KCNK12: variants seen among roughly 807,000 people sequenced by gnomAD.
KCNK12 encodes potassium channel subfamily K member 12.
Under a neutral mutation model 25.3 loss-of-function variants are expected in KCNK12, and 6 were observed. The ratio of observed to expected loss-of-function variants is 0.24; its 90% confidence interval spans 0.13 to 0.47. The LOEUF (loss-of-function observed/expected upper bound fraction) is 0.47. KCNK12 is among the 20% of genes least tolerant of loss of function. The pLI is 0.99. For missense variants in KCNK12, 444 were observed against 661.7 expected, an observed-to-expected ratio of 0.67 and a Z score of 3.61; for synonymous variants, 331 against 311.1, an observed-to-expected ratio of 1.06 and a Z score of -0.67.
intron 1 of KCNK12, among the ~76,000 whole-genome samples, chr2:47,537,855 A>G (rs1669109699): frequency 1.3e-5 from 2 of 152,188 alleles, no homozygotes; most frequent in Admixed American, 1.3e-4. Flanking sequence ...CCGGGAAGCA[A>G]GAGAAGCGGT....
In KCNK12 at chr2:47,520,995, A is replaced by T. The variant is rs1486068512; in HGVS notation, c.1205T>A (p.Val402Asp). The change falls in exon 2 of 2, where the codon GTC becomes GAC. Residue 402 changes from valine (V) to aspartate (D), a missense_variant. Physicochemically the swap from Val to Asp is radical, Grantham distance 152 (BLOSUM62 -3). Transcript: ENST00000327876. The surrounding 1 kb of genome is among the most constrained non-coding windows in gnomAD (Gnocchi z 5.0). ...TANGYPRSVC[V>D]NTRQNGFSGG... ...CGAGAAGCCGTTCTGGCGCGTGTTG[A>T]CGCACACGCTGCGCGGGTAGCCGTT... The T allele has an allele frequency of 9.5e-6, 13 of 1,361,598 alleles. No homozygotes were observed. The Admixed American group carries it at 3.8e-4, about 40-fold the overall frequency. 84.3% of individuals were successfully genotyped at this position (1,361,598 alleles called of 1,614,324 possible). A position where few individuals can be genotyped will look rare whatever the true frequency, so the allele number is the denominator to read the frequency against.
At position 47,547,701 on chromosome 2, in the gene KCNK12, G is replaced by A. The variant is rs955976225; in HGVS notation, c.391+22240C>T. ...CAACCTCTGCCTCCCTGTTTCAAGC[G>A]AGTCTCCTGCCTCAGCCTCCCAAAT... is the stretch of plus-strand genomic sequence containing the variant. On this transcript the variant is annotated intron_variant, in intron 1 of 1. Coordinates refer to ENST00000327876, the MANE Select transcript of KCNK12 (RefSeq NM_022055.2). This position sits in a 1 kb window ranked among gnomAD's most constrained non-coding sequence, Gnocchi z 5.0. Among the ~76,000 whole-genome samples the A allele has an allele frequency of 1.3e-5, 2 of 152,116 alleles. No homozygotes were observed. Among genetic ancestry groups the A allele is most frequent in the Non-Finnish European group, 2.9e-5 (2 of 68,020 alleles).
At chr2:47,561,412 AG>A (rs1669667093) in intron 1 of KCNK12, among the ~76,000 whole-genome samples, 1 of 152,232 alleles carries the variant, frequency 6.6e-6, no homozygotes. Flanking sequence ...GTACCCTTCC[AG>A]GCTGGTTATG....
chr2:47,523,675 G>A (rs1368698411), intron 1 of KCNK12, among the ~76,000 whole-genome samples: 1 of 152,126 alleles, frequency 6.6e-6, no homozygotes, highest in African/African-American at 2.4e-5. Flanking sequence ...TGGGACCCGT[G>A]GTTGCCTGAC....
In KCNK12 at chr2:47,570,120, C is replaced by T; in HGVS notation, c.212G>A (p.Arg71His). 7.0e-7 allele frequency: 1 copy of T among 1,422,558 alleles called. No homozygotes were observed. The highest frequency in any genetic ancestry group is 1.4e-5 in the South Asian group (1 of 70,258). The allele number at this position is 1,422,558 out of a possible 1,614,324, so 88.1% of individuals were successfully genotyped here. A position where few individuals can be genotyped will look rare whatever the true frequency, so the allele number is the denominator to read the frequency against. The change falls in exon 1 of 2, where the codon CGC becomes CAC. Residue 71 changes from arginine (R) to histidine (H), a missense_variant. Around this residue, in one of 8 missense-constraint regions of KCNK12, gnomAD observed 106 missense variants for 142.2 expected, o/e 0.75. Transcript: ENST00000327876. Reference protein sequence around the residue: ...ESPGEAEARARWGATLRNFSA... With the variant: ...ESPGEAEARAHWGATLRNFSA... ...GAAGTTGCGCAGCGTGGCGCCCCAGCGCGCCCGCGCCTCCGCCTCGCCGGG... is the reference window on the plus strand; with the variant it reads ...GAAGTTGCGCAGCGTGGCGCCCCAGTGCGCCCGCGCCTCCGCCTCGCCGGG...
chr2:47,518,114 G>A lies in KCNK12; in HGVS notation c.*2793C>T, dbSNP rs943217853. The A allele has an allele frequency of 2.6e-5, 4 of 152,216 alleles. No homozygotes were observed. The highest frequency in any genetic ancestry group is 9.6e-5 in the African/African-American group (4 of 41,452). 9.4% of individuals were successfully genotyped at this position (152,216 alleles called of 1,614,324 possible). On this transcript the variant is annotated 3_prime_UTR_variant, in exon 2 of 2. Coordinates refer to ENST00000327876, the MANE Select transcript of KCNK12 (RefSeq NM_022055.2). The surrounding 1 kb of genome is among the most constrained non-coding windows in gnomAD (Gnocchi z 4.1). ...CATCCCTATCAATGTCACTGTTCCT[G>A]AAATGATGGGAGAACCACATCCCTG...
At chr2:47,545,900 A>G (rs1031999235) in intron 1 of KCNK12, among the ~76,000 whole-genome samples, 2 of 151,674 alleles carry the variant, frequency 1.3e-5, no homozygotes, top group African/African-American at 4.9e-5. Flanking sequence ...CCGAGACTGA[A>G]TTGCACTTAA....
rs1313096602 is a variant in KCNK12 at position 47,560,477 on chromosome 2, CA to C, written c.391+9463del. 6.6e-6 allele frequency among the ~76,000 whole-genome samples: 1 copy of C among 152,176 alleles called. No homozygotes were observed. Among genetic ancestry groups the C allele is most frequent in the East Asian group, 1.9e-4 (1 of 5,180 alleles). On this transcript the variant is annotated intron_variant, in intron 1 of 1. Transcript: ENST00000327876. The surrounding 1 kb of genome is among the most constrained non-coding windows in gnomAD (Gnocchi z 4.7). ...TCCTCATCCTCCTCCTCCACCCACA[CA>C]ACCCTGCAGACCCCAGGCTGGGCTA...
intron 1 of KCNK12, chr2:47,563,084 G>T: frequency 4.3e-6 from 1 of 233,356 alleles, no homozygotes. Context: ...AGCCAAACAA[G>T]GCATGGGAGT....
chr2:47,526,950 C>T (rs12621761), intron 1 of KCNK12, among the ~76,000 whole-genome samples: 7,031 of 152,252 alleles, frequency 0.046, 224 homozygotes, highest in Middle Eastern at 0.11. Flanking sequence ...GCCCTGCCTG[C>T]ATCATCGCAT....
At position 47,515,357 on chromosome 2, in the gene KCNK12, A is replaced by T. The variant is rs1668501028; in HGVS notation, c.*5550T>A. Among the ~76,000 whole-genome samples, 1 of 152,198 alleles carries T rather than the reference A, an allele frequency of 6.6e-6. No homozygotes were observed. Among genetic ancestry groups the T allele is most frequent in the Non-Finnish European group, 1.5e-5 (1 of 68,040 alleles). On this transcript the variant is annotated 3_prime_UTR_variant, in exon 2 of 2. Coordinates refer to ENST00000327876, the MANE Select transcript of KCNK12 (RefSeq NM_022055.2). The stretch of plus-strand genomic sequence containing the variant: ...ACCTATTTATGCCTAGCGTTCCCTT[A>T]TTGGAACACTAAGTCTGTGAGAGTT...
Position 47,521,075 on chromosome 2 carries a change from C to A in KCNK12, c.1125G>T (p.Thr375=). The change falls in exon 2 of 2, where the codon ACG becomes ACT. Residue 375 remains threonine, a synonymous_variant. Coordinates refer to ENST00000327876, the MANE Select transcript of KCNK12 (RefSeq NM_022055.2). ...SGELISMRDL[T]ASNKVSLALL... is the part of the protein sequence containing the mutation. ...GCGCCAGCGACACCTTGTTGGAGGC[C>A]GTGAGGTCGCGCATGGAGATGAGCT... is the stretch of plus-strand genomic sequence containing the variant. The A allele has an allele frequency of 7.4e-7, 1 of 1,350,670 alleles. No homozygotes were observed. 83.7% of individuals were successfully genotyped at this position (1,350,670 alleles called of 1,614,324 possible). A position where few individuals can be genotyped will look rare whatever the true frequency, so the allele number is the denominator to read the frequency against.
In KCNK12 at chr2:47,570,425, G is replaced by A; in HGVS notation, c.-94C>T. On this transcript the variant is annotated 5_prime_UTR_variant, in exon 1 of 2. Transcript: ENST00000327876. Reference sequence around the variant, plus strand: ...GCAGGAGCGTGAGGATGGTGGCCAGGGGTCCGGGGCCGCCGCGGAGCCCCT... The same window carrying A: ...GCAGGAGCGTGAGGATGGTGGCCAGAGGTCCGGGGCCGCCGCGGAGCCCCT... 8.4e-7 allele frequency: 1 copy of A among 1,184,774 alleles called. No homozygotes were observed. Among genetic ancestry groups the A allele is most frequent in the Non-Finnish European group, 1.0e-6 (1 of 955,220 alleles). The allele number at this position is 1,184,774 out of a possible 1,614,324, so 73.4% of individuals were successfully genotyped here. A position where few individuals can be genotyped will look rare whatever the true frequency, so the allele number is the denominator to read the frequency against.
chr2:47,535,275 T>C (rs544307191), intron 1 of KCNK12: 18 of 233,092 alleles, frequency 7.7e-5, no homozygotes, highest in Non-Finnish European at 1.3e-4. Context: ...GTGTCTGCTC[T>C]GCTAGCCCGA....
rs548779403 is a variant in KCNK12 at position 47,511,630 on chromosome 2, G to A, written c.*9277C>T. Among the ~76,000 whole-genome samples the A allele has an allele frequency of 6.6e-6, 1 of 152,228 alleles. No homozygotes were observed. Among genetic ancestry groups the A allele is most frequent in the East Asian group, 1.9e-4 (1 of 5,178 alleles). ...TGGGTGCACGGTGAACAGCAGGTGG[G>A]GGTCTTTCCATAGGGGATGAGGAAG... On this transcript the variant is annotated 3_prime_UTR_variant, in exon 2 of 2. Coordinates refer to ENST00000327876, the MANE Select transcript of KCNK12 (RefSeq NM_022055.2). This position sits in a 1 kb window ranked among gnomAD's most constrained non-coding sequence, Gnocchi z 4.3.
At chr2:47,523,238 A>G (rs936078900) in intron 1 of KCNK12, among the ~76,000 whole-genome samples, 1 of 152,206 alleles carries the variant, frequency 6.6e-6, no homozygotes, top group African/African-American at 2.4e-5. Context: ...GCTAGAGTTA[A>G]TGGTCTCTGA....
At position 47,570,142 on chromosome 2, in the gene KCNK12, C is replaced by A; in HGVS notation, c.190G>T (p.Gly64Cys). 1.4e-6 allele frequency: 2 copies of A among 1,454,796 alleles called. No homozygotes were observed. Among genetic ancestry groups the A allele is most frequent in the Non-Finnish European group, 9.0e-7 (1 of 1,105,154 alleles). 90.1% of individuals were successfully genotyped at this position (1,454,796 alleles called of 1,614,324 possible). A position where few individuals can be genotyped will look rare whatever the true frequency, so the allele number is the denominator to read the frequency against. ...ATVFSALESPGEAEARARWGA... is the reference protein window; with the variant it reads ...ATVFSALESPCEAEARARWGA... The stretch of plus-strand genomic sequence containing the variant: ...CAGCGCGCCCGCGCCTCCGCCTCGC[C>A]GGGGCTCTCGAGCGCCGAGAAGACT... Residue 64 changes from glycine (G) to cysteine (C), a missense_variant, in exon 1 of 2, where the codon GGC (glycine) becomes TGC (cysteine). Physicochemically the swap from Gly to Cys is radical, Grantham distance 159. Transcript: ENST00000327876.
At position 47,538,097 on chromosome 2, in the gene KCNK12, A is replaced by T. The variant is rs1669114937; in HGVS notation, c.392-16289T>A. On this transcript the variant is annotated intron_variant, in intron 1 of 1. Coordinates refer to ENST00000327876, the MANE Select transcript of KCNK12 (RefSeq NM_022055.2). The surrounding 1 kb of genome is among the most constrained non-coding windows in gnomAD (Gnocchi z 4.5). ...GGAGTCTATGAAGGAGACCACATTC[A>T]TTCAACAAACATTTATTGAGGGCCT... Among the ~76,000 whole-genome samples the T allele has an allele frequency of 6.6e-6, 1 of 152,254 alleles. No homozygotes were observed. The highest frequency in any genetic ancestry group is 1.5e-5 in the Non-Finnish European group (1 of 68,042).
Position 47,521,707 on chromosome 2 carries a change from G to A in KCNK12, c.493C>T (p.Leu165=). The A allele has an allele frequency of 6.2e-7, 1 of 1,601,462 alleles. No homozygotes were observed. Among genetic ancestry groups the A allele is most frequent in the Non-Finnish European group, 8.5e-7 (1 of 1,175,776 alleles). Residue 165 remains leucine (L), a synonymous_variant, in exon 2 of 2, where the codon CTG becomes TTG. Coordinates refer to ENST00000327876, the MANE Select transcript of KCNK12 (RefSeq NM_022055.2). ...AGTILFFNLF[L]ERIISLLAFI... is the part of the protein sequence containing the mutation. ...GCCAGCAGCGAGATGATGCGCTCCAGGAAGAGGTTGAAGAACAGGATGGTC... is the reference window on the plus strand; with the variant it reads ...GCCAGCAGCGAGATGATGCGCTCCAAGAAGAGGTTGAAGAACAGGATGGTC...
Sources: gnomAD v4.1 joint callset for allele counts (sites outside exome capture counted in the v4.1 genomes callset) on GRCh38, gnomAD v4.1.1 for gene constraint, gnomAD v4.1.1 regional missense constraint, Gnocchi (gnomAD v3.1) non-coding constraint, MANE v1.5 for transcripts, NCBI Gene and HGNC (gene_info 2026-07-23, HGNC 2026-07-21) for gene names.